Variants in SVOPL observed in about 807,000 individuals in gnomAD.
SVOPL encodes the protein putative transporter SVOPL.
SVOPL carries 60 observed loss-of-function variants against 61.0 expected under a neutral mutation model. The ratio of observed to expected loss-of-function variants is 0.98; its 90% CI spans 0.80 to 1.22. The LOEUF is 1.22. SVOPL is among the 50% of genes most tolerant of loss of function. The probability of loss-of-function intolerance (pLI) is 0.00; values close to 1 mark genes in which losing one functional copy is unlikely to be tolerated. For missense variants in SVOPL, 662 were observed against 643.9 expected (o/e 1.03, Z -0.30); for synonymous variants, 279 against 250.0 (o/e 1.12, Z -1.09).
At chr7:138,624,477 T>A (rs912503360) in intron 13 of SVOPL, among the ~76,000 whole-genome samples, 1 of 152,168 alleles carries the variant, frequency 6.6e-6, no homozygotes, top group African/African-American at 2.4e-5. Context: ...ATCATATTCA[T>A]TCCTAAGCTA....
At chr7:138,629,300 G>A (rs887368091) in intron 10 of SVOPL, among the ~76,000 whole-genome samples, 4 of 149,602 alleles carry the variant, frequency 2.7e-5, no homozygotes, top group Admixed American at 6.7e-5. Context: ...GTGCAATCTC[G>A]GCTCACTGCA....
chr7:138,671,411 G>A (rs1198644350), intron 4 of SVOPL, among the ~76,000 whole-genome samples: 2 of 152,136 alleles, frequency 1.3e-5, no homozygotes, highest in African/African-American at 2.4e-5. Context: ...GCAATGGCGT[G>A]GTCTTGGCTC....
intron 7 of SVOPL, among the ~76,000 whole-genome samples, chr7:138,653,352 A>G (rs1380678304): frequency 2.0e-5 from 3 of 152,220 alleles, no homozygotes; most frequent in Non-Finnish European, 2.9e-5. Flanking sequence ...GATGCCATGC[A>G]GGACATTCAC....
intron 4 of SVOPL, 107 bp downstream of exon 4, chr7:138,671,912 A>G (rs1487769539): frequency 1.5e-4 from 143 of 959,694 alleles, no homozygotes; most frequent in African/African-American, 8.2e-5. Context: ...TTGGAAGCCA[A>G]CAGTGGCAGT....
At chr7:138,684,899 G>T (rs1361309699) in intron 1 of SVOPL, among the ~76,000 whole-genome samples, 1 of 150,924 alleles carries the variant, frequency 6.6e-6, no homozygotes, top group East Asian at 1.9e-4. Context: ...AGGAAATTGG[G>T]TACATGCATA....
chr7:138,635,934 A>T (rs1050427366), intron 9 of SVOPL, among the ~76,000 whole-genome samples: 1 of 152,120 alleles, frequency 6.6e-6, no homozygotes, highest in African/African-American at 2.4e-5. Context: ...CTGATAGAAA[A>T]ATATATATAC....
chr7:138,682,428 T>C (rs1449804791), intron 1 of SVOPL, among the ~76,000 whole-genome samples: 1 of 152,172 alleles, frequency 6.6e-6, no homozygotes, highest in African/African-American at 2.4e-5. Context: ...GGAATCTAGC[T>C]CTAGCTACCA....
chr7:138,686,342 G>T (rs1008773106), intron 1 of SVOPL, among the ~76,000 whole-genome samples: 26 of 148,698 alleles, frequency 1.7e-4, no homozygotes, highest in Admixed American at 3.4e-4. Context: ...GGGGGCGGAG[G>T]TTGCAGTTAG....
chr7:138,600,920 T>C (rs1322608307), intron 14 of SVOPL, among the ~76,000 whole-genome samples: 1 of 152,088 alleles, frequency 6.6e-6, no homozygotes, highest in Non-Finnish European at 1.5e-5. Context: ...AAAGTAGTAC[T>C]ACCAGAGGAT....
intron 7 of SVOPL, among the ~76,000 whole-genome samples, chr7:138,654,683 C>T (rs926724445): frequency 6.0e-5 from 9 of 150,960 alleles, no homozygotes; most frequent in South Asian, 2.1e-4. Flanking sequence ...ACCTACTTCT[C>T]GGAAAAAAAG....
At chr7:138,693,577 A>AAAGAAAGAAAGAAAGAAAGAAAG (rs1563140875) in intron 1 of SVOPL, among the ~76,000 whole-genome samples, 7 of 76,068 alleles carry the variant, frequency 9.2e-5, no homozygotes, top group Non-Finnish European at 1.8e-4. Flanking sequence ...AAGAAAGAAA[A>AAAGAAAGAAAGAAAGAAAGAAAG]AAGGAAAGAA....
intron 5 of SVOPL, 90 bp downstream of exon 5, chr7:138,662,984 A>T: frequency 2.5e-6 from 4 of 1,585,802 alleles, no homozygotes; most frequent in Middle Eastern, 3.4e-4. Flanking sequence ...ATTGGGAGGG[A>T]GATGCCTACT....
At chr7:138,618,722 G>GAGGA (rs1321176696) in intron 14 of SVOPL, among the ~76,000 whole-genome samples, 3 of 148,792 alleles carry the variant, frequency 2.0e-5, no homozygotes, top group East Asian at 2.0e-4. Context: ...GAGAGAGAGA[G>GAGGA]AGGAAGGAAG....
chr7:138,690,758 C>T (rs1456305226), intron 1 of SVOPL, among the ~76,000 whole-genome samples: 1 of 149,510 alleles, frequency 6.7e-6, no homozygotes. Flanking sequence ...TGAATTGTAC[C>T]CTTTTCTTTC....
chr7:138,596,427 C>T lies in SVOPL; in HGVS notation c.1457G>A (p.Arg486Gln), dbSNP rs145071968. Residue 486 changes from arginine to glutamine, a missense_variant, in exon 15 of 16, where the codon CGG (arginine) becomes CAG (glutamine). Arg to Gln is a conservative substitution (Grantham distance 43). Coordinates refer to ENST00000674285, the MANE Select transcript of SVOPL (RefSeq NM_001139456.2). ...CCCTGCATCACTCACCTGGAGGGCC[C>T]GTCCTTTGGTTTCGATGGGGAGAGT... Reference protein sequence around the residue: ...AFTLPIETKGRALQQIK With the variant: ...AFTLPIETKGQALQQIK 34 of 1,613,648 alleles carry T rather than the reference C, an allele frequency of 2.1e-5. No individual in the cohort carries two copies. The highest frequency in any genetic ancestry group is 1.3e-4 in the African/African-American group (10 of 74,996).
chr7:138,663,376 G>T, intron 4 of SVOPL: 1 of 1,393,222 alleles, frequency 7.2e-7, no homozygotes, highest in Admixed American at 3.0e-5. Flanking sequence ...GTGGAAACGG[G>T]GTCCTCTGCC....
chr7:138,613,647 A>T (rs1333170317), intron 14 of SVOPL, among the ~76,000 whole-genome samples: 1 of 152,066 alleles, frequency 6.6e-6, no homozygotes, highest in East Asian at 1.9e-4. Context: ...AAAGCCTGTC[A>T]CCCCTTTTAC....
chr7:138,627,689 T>G (rs1444080117), intron 11 of SVOPL, among the ~76,000 whole-genome samples: 1 of 152,202 alleles, frequency 6.6e-6, no homozygotes. Context: ...AGAATACTTA[T>G]TATATCATAC....
intron 9 of SVOPL, among the ~76,000 whole-genome samples, chr7:138,638,317 A>G (rs1226751322): frequency 6.6e-6 from 1 of 152,020 alleles, no homozygotes; most frequent in Non-Finnish European, 1.5e-5. Flanking sequence ...TTAACACAAT[A>G]GAAAGGAGAT....
Sources: gnomAD v4.1 joint callset for allele counts (sites outside exome capture counted in the v4.1 genomes callset) on GRCh38, gnomAD v4.1.1 for gene constraint, MANE v1.5 for transcripts, NCBI Gene and HGNC (gene_info 2026-07-23, HGNC 2026-07-21) for gene names.